The following CAT variants were observed in gnomAD, a reference collection of about 807,000 sequenced individuals.
CAT encodes the protein epididymis secretory sperm binding protein.
CAT carries 43 observed loss-of-function variants against 59.0 expected under a neutral mutation model. The observed-to-expected ratio is 0.73, with a 90% CI of 0.57 to 0.94. The LOEUF is 0.94. Among genes scored for constraint, CAT ranks in the 40% least tolerant of loss-of-function variants. The probability of loss-of-function intolerance (pLI) is 0.00; values close to 1 mark genes in which losing one functional copy is unlikely to be tolerated. For missense variants in CAT, 664 were observed against 682.9 expected (o/e 0.97, Z 0.31); for synonymous variants, 218 against 230.9 (o/e 0.94, Z 0.51).
At chr11:34,441,200 G>A (rs1856385549) in intron 1 of CAT, among the ~76,000 whole-genome samples, 1 of 152,140 alleles carries the variant, frequency 6.6e-6, no homozygotes, top group Non-Finnish European at 1.5e-5. Context: ...ATGCCTTATA[G>A]CCTATATAAT....
intron 8 of CAT, among the ~76,000 whole-genome samples, chr11:34,457,212 T>C (rs1590304933): frequency 7.6e-6 from 1 of 131,172 alleles, no homozygotes; most frequent in East Asian, 2.2e-4. Flanking sequence ...TTCTTTTTTT[T>C]TTTTTTTTTT....
chr11:34,447,312 G>A lies in CAT; in HGVS notation c.67-1880G>A, dbSNP rs17881734. On this transcript the variant is annotated intron_variant, in intron 1 of 12. Transcript: ENST00000241052. ...GGAGGCTTTAAAAAGCTCCTCAGGT[G>A]ATTTTAGTGCATTGCCAAGGTTGAA... Among the ~76,000 whole-genome samples, 1,304 of 152,172 alleles carry A rather than the reference G, an allele frequency of 8.6e-3. 7 individuals are homozygous for A. The highest frequency in any genetic ancestry group is 0.014 in the Non-Finnish European group (964 of 68,010).
intron 7 of CAT, 57 bp downstream of exon 7, chr11:34,456,259 GAAA>G: frequency 7.4e-7 from 1 of 1,347,690 alleles, no homozygotes; most frequent in South Asian, 1.2e-5. Flanking sequence ...TACCTAATTA[GAAA>G]AAAAATCTAG....
intron 8 of CAT, 106 bp from the exon 9 acceptor site, chr11:34,461,145 A>G: frequency 1.6e-6 from 2 of 1,239,610 alleles, no homozygotes; most frequent in South Asian, 1.2e-5. Flanking sequence ...TGTGGTAACC[A>G]TGTACAGAGT....
At chr11:34,450,921 G>A in intron 2 of CAT, 67 bp from the exon 3 acceptor site, 3 of 993,626 alleles carry the variant, frequency 3.0e-6, no homozygotes, top group Middle Eastern at 2.0e-4. Flanking sequence ...TCACCCAGGT[G>A]CCTGTTGAGG....
At chr11:34,462,315 A>G (rs1279746985) in intron 9 of CAT, among the ~76,000 whole-genome samples, 4 of 152,232 alleles carry the variant, frequency 2.6e-5, no homozygotes, top group South Asian at 2.1e-4. Context: ...AAAATAATAC[A>G]AGTGTCCTAA....
chr11:34,471,450 C>T lies in CAT; in HGVS notation c.*17C>T, dbSNP rs755280037. The T allele has an allele frequency of 7.5e-6, 12 of 1,610,430 alleles. No individual in the cohort carries two copies. The Admixed American group carries it at 1.7e-4, about 22-fold the overall frequency. On this transcript the variant is annotated 3_prime_UTR_variant, in exon 13 of 13. Transcript: ENST00000241052. ...AATCTGTGAGGCCGGGGCCCTGCAC[C>T]TGTGCAGCGAAGCTTAGCGTTCATC...
chr11:34,456,755 A>G lies in CAT; in HGVS notation c.994A>G (p.Ile332Val). 2 of 1,614,174 alleles carry G rather than the reference A, an allele frequency of 1.2e-6. No homozygotes were observed. The highest frequency in any genetic ancestry group is 1.7e-6 in the Non-Finnish European group (2 of 1,179,998). Residue 332 changes from isoleucine to valine, a missense_variant, in exon 8 of 13, where the codon ATA becomes GTA. Coordinates refer to ENST00000241052, the MANE Select transcript of CAT (RefSeq NM_001752.4). ...TAATTACTTTGCTGAGGTTGAACAG[A>G]TAGCCTTCGACCCAAGCAACATGCC... ...PVNYFAEVEQ[I>V]AFDPSNMPPG...
Position 34,453,302 on chromosome 11 carries a change from TC to T in CAT, c.585+110del, listed in dbSNP as rs375441234. On this transcript the variant is annotated intron_variant, in intron 5 of 12. Coordinates refer to ENST00000241052, the MANE Select transcript of CAT (RefSeq NM_001752.4). ...TTTGGCTATTTTATTGGAATCAGCT[TC>T]CTCAGATTTCTTGATCGTGAAGAGT... is the stretch of plus-strand genomic sequence containing the variant. The T allele has an allele frequency of 4.3e-5, 34 of 783,042 alleles. No individual in the cohort carries two copies. In the African/African-American group the frequency reaches 5.8e-4, roughly 13 times the overall value. The allele number at this position is 783,042 out of a possible 1,614,324, so 48.5% of individuals were successfully genotyped here.
At chr11:34,461,020 T>G in intron 8 of CAT, 5 of 593,670 alleles carry the variant, frequency 8.4e-6, no homozygotes, top group East Asian at 2.9e-5. Flanking sequence ...CAAAAACAGA[T>G]GTGAAGATTT....
chr11:34,459,985 C>T (rs1342835684), intron 8 of CAT, among the ~76,000 whole-genome samples: 1 of 152,192 alleles, frequency 6.6e-6, no homozygotes, highest in East Asian at 1.9e-4. Context: ...AAAATATTGA[C>T]AGAACACTGG....
chr11:34,466,780 CA>C (rs71457350), intron 10 of CAT, among the ~76,000 whole-genome samples: 2,973 of 41,028 alleles, frequency 0.072, 18 homozygotes, highest in African/African-American at 0.17. Flanking sequence ...GACTCCGTCT[CA>C]AAAAAAAAAA....
At chr11:34,463,757 A>G (rs1856679673) in intron 9 of CAT, among the ~76,000 whole-genome samples, 1 of 152,144 alleles carries the variant, frequency 6.6e-6, no homozygotes, top group Non-Finnish European at 1.5e-5. Context: ...CCTCATCCCT[A>G]TATGGTGGCC....
chr11:34,469,243 T>A (rs987873208), intron 11 of CAT, among the ~76,000 whole-genome samples: 30 of 152,300 alleles, frequency 2.0e-4, no homozygotes, highest in African/African-American at 7.0e-4. Context: ...CTGGGCTGTG[T>A]CCCAGAGCCT....
chr11:34,450,478 A>G (rs1466169644), intron 2 of CAT, among the ~76,000 whole-genome samples: 1 of 152,252 alleles, frequency 6.6e-6, no homozygotes, highest in South Asian at 2.1e-4. Flanking sequence ...TTGGACTTCC[A>G]GTTAGGACTT....
At chr11:34,471,271 AATT>A in intron 12 of CAT, 94 bp from the exon 13 acceptor site, 2 of 1,045,224 alleles carry the variant, frequency 1.9e-6, no homozygotes, top group Non-Finnish European at 3.0e-6. Flanking sequence ...ATGAATTCTG[AATT>A]ATTATTTTCA....
At chr11:34,447,470 C>T (rs181081731) in intron 1 of CAT, among the ~76,000 whole-genome samples, 42 of 152,138 alleles carry the variant, frequency 2.8e-4, no homozygotes, top group African/African-American at 5.5e-4. Flanking sequence ...GAGGGTAACA[C>T]GTATTAGCAC....
In CAT at chr11:34,444,033, T is replaced by C. The variant is rs148935060; in HGVS notation, c.66+4954T>C. ...AGCTTTTGCATGGTGGGTAGGTCTA[T>C]GCAAACCTACCCCCAAAGTCTGAGG... On this transcript the variant is annotated intron_variant, in intron 1 of 12. Transcript: ENST00000241052. Among the ~76,000 whole-genome samples, 299 of 152,296 alleles carry C rather than the reference T, an allele frequency of 2.0e-3. 4 individuals carry two copies. Among genetic ancestry groups the C allele is most frequent in the Admixed American group, 7.9e-3 (121 of 15,284 alleles).
At chr11:34,443,893 G>C (rs1011178600) in intron 1 of CAT, among the ~76,000 whole-genome samples, 1 of 152,136 alleles carries the variant, frequency 6.6e-6, no homozygotes, top group Non-Finnish European at 1.5e-5. Context: ...TGGTCCACAT[G>C]TGCTTTCATT....
Sources: gnomAD v4.1 joint callset for allele counts (sites outside exome capture counted in the v4.1 genomes callset) on GRCh38, gnomAD v4.1.1 for gene constraint, MANE v1.5 for transcripts, NCBI Gene and HGNC (gene_info 2026-07-23, HGNC 2026-07-21) for gene names.